Variants in NPAS2 observed in about 807,000 individuals in gnomAD.
The protein encoded by NPAS2 is neuronal PAS domain protein 2.
NPAS2 carries 23 observed loss-of-function variants against 107.5 expected under a neutral mutation model. The ratio of observed to expected loss-of-function variants is 0.21; its 90% confidence interval spans 0.15 to 0.30. NPAS2 has a LOEUF of 0.30. NPAS2 is among the 10% of genes least tolerant of loss of function. The pLI is 1.00. For missense variants in NPAS2, 756 were observed against 1,043.3 expected, an observed-to-expected ratio of 0.72 and a Z score of 3.79; for synonymous variants, 403 against 417.5, an observed-to-expected ratio of 0.97 and a Z score of 0.42.
chr2:100,927,543 A>G (rs1683662281), intron 3 of NPAS2, among the ~76,000 whole-genome samples: 1 of 152,154 alleles, frequency 6.6e-6, no homozygotes, highest in African/African-American at 2.4e-5. Context: ...AAAAGAAGGA[A>G]CCTCTGTGCT....
Position 100,995,954 on chromosome 2 carries a change from G to T in NPAS2, c.*372G>T. The T allele has an allele frequency of 7.4e-7, 1 of 1,350,436 alleles. No homozygotes were observed. The highest frequency in any genetic ancestry group is 9.7e-7 in the Non-Finnish European group (1 of 1,029,180). The allele number at this position is 1,350,436 out of a possible 1,614,324, so 83.7% of individuals were successfully genotyped here. A position where few individuals can be genotyped will look rare whatever the true frequency, so the allele number is the denominator to read the frequency against. The stretch of plus-strand genomic sequence containing the variant: ...GCGGCCCGCCCATCTGCGCTAGCTG[G>T]CCTTCACGCTCTTGATCGTCTTTCC... On this transcript the variant is annotated 3_prime_UTR_variant, in exon 21 of 21. Transcript: ENST00000335681.
chr2:100,845,592 C>T (rs1677727085), intron 1 of NPAS2, among the ~76,000 whole-genome samples: 1 of 152,252 alleles, frequency 6.6e-6, no homozygotes, highest in African/African-American at 2.4e-5. Flanking sequence ...TGGGGCCACA[C>T]TGCAGCCATC....
chr2:100,891,311 G>A (rs1302479769), intron 1 of NPAS2, among the ~76,000 whole-genome samples: 1 of 152,052 alleles, frequency 6.6e-6, no homozygotes, highest in Non-Finnish European at 1.5e-5. Context: ...AACAAGGTGT[G>A]CAGCATTGGA....
chr2:100,947,731 T>C (rs1383439413), intron 5 of NPAS2, among the ~76,000 whole-genome samples: 1 of 152,216 alleles, frequency 6.6e-6, no homozygotes, highest in Non-Finnish European at 1.5e-5. Context: ...GTATTTATTT[T>C]GTAACCACAG....
At chr2:100,884,787 A>AC (rs1290929030) in intron 1 of NPAS2, among the ~76,000 whole-genome samples, 2 of 152,172 alleles carry the variant, frequency 1.3e-5, no homozygotes, top group Admixed American at 6.5e-5. Context: ...GGAGTGATTT[A>AC]GTAAGAGTAT....
chr2:100,992,861 C>G (rs1335936849), intron 19 of NPAS2, among the ~76,000 whole-genome samples: 1 of 151,510 alleles, frequency 6.6e-6, no homozygotes, highest in Non-Finnish European at 1.5e-5. Context: ...AAATATCTTC[C>G]CCTACTCTGT....
At chr2:100,913,458 T>C (rs1044107805) in intron 2 of NPAS2, among the ~76,000 whole-genome samples, 2 of 152,290 alleles carry the variant, frequency 1.3e-5, no homozygotes, top group African/African-American at 4.8e-5. Flanking sequence ...GTTTAAAAGA[T>C]GGCACCCTTG....
At chr2:100,862,275 G>C (rs2104532673) in intron 1 of NPAS2, among the ~76,000 whole-genome samples, 1 of 152,290 alleles carries the variant, frequency 6.6e-6, no homozygotes, top group East Asian at 1.9e-4. Context: ...TGGCTTCTAT[G>C]CAGTAGGTTC....
Position 100,846,045 on chromosome 2 carries a change from T to G in NPAS2, c.-23+25631T>G, listed in dbSNP as rs1383025057. 2.0e-5 allele frequency among the ~76,000 whole-genome samples: 3 copies of G among 152,198 alleles called. No homozygotes were observed. The East Asian group carries it at 5.8e-4, about 29-fold the overall frequency. On this transcript the variant is annotated intron_variant, in intron 1 of 20. Transcript: ENST00000335681. Reference sequence around the variant, plus strand: ...GGTGCGGTGTCAGGCCCAAGGTGAATGGAGACAGTGCCCAAATGGCTTGGC... The same window carrying G: ...GGTGCGGTGTCAGGCCCAAGGTGAAGGGAGACAGTGCCCAAATGGCTTGGC...
At chr2:100,882,192 C>T (rs1210138743) in intron 1 of NPAS2, among the ~76,000 whole-genome samples, 3 of 152,182 alleles carry the variant, frequency 2.0e-5, no homozygotes, top group Admixed American at 6.5e-5. Context: ...AACATCTTAA[C>T]GTCACTATAG....
intron 14 of NPAS2, 73 bp downstream of exon 14, chr2:100,975,640 T>A: frequency 9.1e-7 from 1 of 1,093,434 alleles, no homozygotes; most frequent in Non-Finnish European, 1.3e-6. Flanking sequence ...CCAGGCGATG[T>A]GCTGCGTCTC....
chr2:100,937,806 C>A lies in NPAS2; in HGVS notation c.327C>A (p.Val109=). 1 of 1,614,144 alleles carries A rather than the reference C, an allele frequency of 6.2e-7. No homozygotes were observed. The highest frequency in any genetic ancestry group is 8.5e-7 in the Non-Finnish European group (1 of 1,179,986). The change falls in exon 5 of 21, where the codon GTC becomes GTA. Residue 109 remains valine (V), a synonymous_variant. Transcript: ENST00000335681. ...AVTTDGSIIY[V]SDSITPLLGH... ...CAACAGACGGCAGCATCATCTATGT[C>A]TCTGACAGTATCACGCCTCTCCTTG...
In NPAS2 at chr2:100,864,272, T is replaced by C. The variant is rs570929868; in HGVS notation, c.-22-40461T>C. On this transcript the variant is annotated intron_variant, in intron 1 of 20. Coordinates refer to ENST00000335681, the MANE Select transcript of NPAS2 (RefSeq NM_002518.4). ...ATGTCAGAAAAACATTTTGTGGTTA[T>C]TGTTTTAGTTGTTTACCAAATTACC... Among the ~76,000 whole-genome samples, 4 of 152,350 alleles carry C rather than the reference T, an allele frequency of 2.6e-5. No homozygotes were observed. The South Asian group carries it at 8.3e-4, about 32-fold the overall frequency.
chr2:100,941,701 C>A (rs989731388), intron 5 of NPAS2, among the ~76,000 whole-genome samples: 10 of 152,146 alleles, frequency 6.6e-5, no homozygotes, highest in Admixed American at 6.5e-4. Context: ...ACGGGAGCCT[C>A]TGGAATGAAA....
At chr2:100,898,376 T>C (rs1681554815) in intron 1 of NPAS2, among the ~76,000 whole-genome samples, 1 of 152,190 alleles carries the variant, frequency 6.6e-6, no homozygotes. Flanking sequence ...CTATAGAAAT[T>C]GACAAGCTAA....
chr2:100,858,181 T>C (rs1400634264), intron 1 of NPAS2, among the ~76,000 whole-genome samples: 1 of 152,200 alleles, frequency 6.6e-6, no homozygotes, highest in Non-Finnish European at 1.5e-5. Context: ...TCTAGTTCCT[T>C]CTCACTGTGA....
intron 5 of NPAS2, among the ~76,000 whole-genome samples, chr2:100,947,397 A>G (rs1674964338): frequency 6.6e-6 from 1 of 152,036 alleles, no homozygotes; most frequent in South Asian, 2.1e-4. Flanking sequence ...TAAAAATACA[A>G]AAAATTAGCC....
intron 7 of NPAS2, among the ~76,000 whole-genome samples, chr2:100,960,118 A>T (rs534285318): frequency 9.2e-5 from 14 of 152,142 alleles, no homozygotes; most frequent in Non-Finnish European, 2.1e-4. Flanking sequence ...TGAGGCAGAC[A>T]TGATTCATTC....
Position 100,977,758 on chromosome 2 carries a change from C to A in NPAS2, c.1441C>A (p.Pro481Thr), listed in dbSNP as rs1456618881. 6.2e-7 allele frequency: 1 copy of A among 1,614,112 alleles called. No homozygotes were observed. Among genetic ancestry groups the A allele is most frequent in the African/African-American group, 1.3e-5 (1 of 74,950 alleles). Reference protein sequence around the residue: ...SSCDLTQQLLPQTVLQSTPAP... With the variant: ...SSCDLTQQLLTQTVLQSTPAP... ...CTGCGACCTCACACAGCAGCTCCTG[C>A]CTCAGACCGTTCTGCAGAGCACGCC... The change falls in exon 15 of 21, where the codon CCT becomes ACT. Residue 481 changes from proline (P) to threonine (T), a missense_variant. By Grantham distance (38) the Pro-to-Thr change is conservative. Around this residue, in one of 4 missense-constraint regions of NPAS2, gnomAD observed 496 missense variants for 594.4 expected, o/e 0.83. Coordinates refer to ENST00000335681, the MANE Select transcript of NPAS2 (RefSeq NM_002518.4).
Sources: allele counts gnomAD v4.1 joint callset (sites outside exome capture counted in the v4.1 genomes callset), GRCh38; gene constraint gnomAD v4.1.1; regional missense constraint gnomAD v4.1.1; transcripts MANE v1.5; gene names NCBI Gene and HGNC (gene_info 2026-07-23, HGNC 2026-07-21).